FRK: variants seen among roughly 807,000 people sequenced by gnomAD.
FRK encodes fyn related Src family tyrosine kinase, also known as tyrosine-protein kinase FRK.
In FRK, 51 loss-of-function variants were observed where a neutral mutation model predicts 56.4. The ratio of observed to expected loss-of-function variants is 0.90; its 90% confidence interval spans 0.72 to 1.14. The LOEUF (loss-of-function observed/expected upper bound fraction) is 1.14, where lower values mean the gene tolerates loss of function less well. Ranked by LOEUF, FRK falls within the 50% of genes most tolerant of loss-of-function variation. The pLI is 0.00. For synonymous variants in FRK, 245 were observed against 217.9 expected, an observed-to-expected ratio of 1.12 and a Z score of -1.10; for missense variants, 570 against 601.4, an observed-to-expected ratio of 0.95 and a Z score of 0.55.
At chr6:115,962,578 A>G (rs1773421168) in intron 4 of FRK, among the ~76,000 whole-genome samples, 1 of 77,268 alleles carries the variant, frequency 1.3e-5, no homozygotes, top group Admixed American at 1.5e-4. Context: ...TCCACCCCAA[A>G]TCAACAGAAT....
At chr6:115,982,967 G>C (rs537104740) in intron 2 of FRK, among the ~76,000 whole-genome samples, 2 of 151,938 alleles carry the variant, frequency 1.3e-5, no homozygotes, top group South Asian at 2.1e-4. Flanking sequence ...AGCTACTAGG[G>C]AGGCTGAGGC....
At chr6:116,092,574 T>C in the FRK span, among the ~76,000 whole-genome samples, 1 of 152,204 alleles carries the variant, frequency 6.6e-6, no homozygotes, top group Non-Finnish European at 1.5e-5. Flanking sequence ...TAAGGGCCAC[T>C]AAATCCGACC....
In FRK at chr6:115,944,318, C is replaced by A. The variant is rs1420275736; in HGVS notation, c.1066G>T (p.Ala356Ser). Residue 356 changes from alanine to serine, a missense_variant, in exon 6 of 8, where the codon GCT becomes TCT. Physicochemically the swap from Ala to Ser is moderately conservative, Grantham distance 99. Transcript: ENST00000606080. ...ESRNYIHRDL[A>S]ARNVLVGEHN... is the part of the protein sequence containing the mutation. ...TCACCAACGAGGACATTTCTGGCAG[C>A]CAGATCTCTGTGAATGTAGTTCCGA... 6.2e-7 allele frequency: 1 copy of A among 1,613,012 alleles called. No individual in the cohort carries two copies.
intron 2 of FRK, among the ~76,000 whole-genome samples, chr6:115,984,105 C>T (rs1032509339): frequency 2.6e-5 from 4 of 152,092 alleles, no homozygotes; most frequent in Non-Finnish European, 4.4e-5. Flanking sequence ...TGAAACCGCC[C>T]AGTGTAAGCG....
At chr6:115,966,250 A>G (rs1773572581) in intron 4 of FRK, among the ~76,000 whole-genome samples, 1 of 152,180 alleles carries the variant, frequency 6.6e-6, no homozygotes, top group African/African-American at 2.4e-5. Context: ...TCTTAGAATC[A>G]GATGAAGCAC....
intron 2 of FRK, among the ~76,000 whole-genome samples, chr6:115,994,610 A>G (rs756888889): frequency 3.9e-5 from 6 of 152,084 alleles, no homozygotes; most frequent in Non-Finnish European, 7.4e-5. Context: ...ATACTTTGCA[A>G]TTGTTATGAC....
At chr6:115,984,673 G>A (rs868232411) in intron 2 of FRK, among the ~76,000 whole-genome samples, 32 of 147,786 alleles carry the variant, frequency 2.2e-4, no homozygotes, top group African/African-American at 8.0e-4. Context: ...TTTTTGTTTT[G>A]TTTCTTTTTT....
the FRK span, among the ~76,000 whole-genome samples, chr6:116,087,528 G>A: frequency 1.5e-4 from 23 of 152,184 alleles, no homozygotes; most frequent in Admixed American, 7.9e-4. Flanking sequence ...GTCATGACAC[G>A]AACACGTTTG....
intron 4 of FRK, among the ~76,000 whole-genome samples, chr6:115,965,140 A>T (rs2114592074): frequency 7.4e-6 from 1 of 135,104 alleles, no homozygotes; most frequent in African/African-American, 2.8e-5. Context: ...AAATTTTCGC[A>T]ACCTACTCAT....
intron 1 of FRK, among the ~76,000 whole-genome samples, chr6:116,019,348 G>A (rs963486800): frequency 5.9e-5 from 9 of 152,124 alleles, no homozygotes; most frequent in Non-Finnish European, 8.8e-5. Flanking sequence ...AAGTTAAAAA[G>A]CTGACCAAAT....
the FRK span, among the ~76,000 whole-genome samples, chr6:116,080,382 C>A: frequency 6.6e-6 from 1 of 152,166 alleles, no homozygotes; most frequent in Non-Finnish European, 1.5e-5. Flanking sequence ...TCTCAATCTC[C>A]TGACCTCATG....
At chr6:115,943,631 A>C (rs960350458) in intron 6 of FRK, among the ~76,000 whole-genome samples, 1 of 152,012 alleles carries the variant, frequency 6.6e-6, no homozygotes, top group African/African-American at 2.4e-5. Flanking sequence ...TAATATATAA[A>C]CTCACTGGGG....
chr6:115,943,250 A>G, intron 6 of FRK, 65 bp from the exon 7 acceptor site: 1 of 1,145,746 alleles, frequency 8.7e-7, no homozygotes, highest in Non-Finnish European at 1.2e-6. Flanking sequence ...AACCTCATTC[A>G]TCTATAATCT....
chr6:116,050,345 G>A (rs951797489), intron 1 of FRK, among the ~76,000 whole-genome samples: 3 of 152,166 alleles, frequency 2.0e-5, no homozygotes, highest in Non-Finnish European at 2.9e-5. Context: ...CTGAGTGACT[G>A]ATGTTTCTTA....
At chr6:116,089,622 C>T in the FRK span, among the ~76,000 whole-genome samples, 5 of 152,120 alleles carry the variant, frequency 3.3e-5, no homozygotes, top group East Asian at 5.8e-4. Context: ...TTCTTTCTCA[C>T]TGTGTCCTCA....
intron 1 of FRK, among the ~76,000 whole-genome samples, chr6:116,036,950 G>GA (rs1261615150): frequency 1.3e-5 from 2 of 151,926 alleles, no homozygotes; most frequent in Non-Finnish European, 2.9e-5. Flanking sequence ...CATGCCAAGA[G>GA]AAAAAAAGTT....
chr6:115,938,258 AGTT>A lies in FRK; in HGVS notation c.*4153_*4155del, dbSNP rs1221480120. On this transcript the variant is annotated 3_prime_UTR_variant, in exon 8 of 8. Transcript: ENST00000606080. Reference sequence around the variant, plus strand: ...AATAATAAAATTAAGGTAGAAATAAAGTTGTTCATTGAAACCAATGAGAACAAA... The same window carrying A: ...AATAATAAAATTAAGGTAGAAATAAAGTTCATTGAAACCAATGAGAACAAA... 1 of 152,230 alleles carries A rather than the reference AGTT, an allele frequency of 6.6e-6. No individual in the cohort carries two copies. The highest frequency in any genetic ancestry group is 1.5e-5 in the Non-Finnish European group (1 of 68,048). The allele number at this position is 152,230 out of a possible 1,614,324, so 9.4% of individuals were successfully genotyped here.
At chr6:116,092,032 G>C in the FRK span, among the ~76,000 whole-genome samples, 2 of 152,086 alleles carry the variant, frequency 1.3e-5, no homozygotes, top group Admixed American at 6.5e-5. Context: ...TCCATTCTCC[G>C]AGGCTAGTCC....
Position 115,943,000 on chromosome 6 carries a change from C to T in FRK, c.1306+20G>A, listed in dbSNP as rs11758059. 6.9e-6 allele frequency: 11 copies of T among 1,603,672 alleles called. No homozygotes were observed. Among genetic ancestry groups the T allele is most frequent in the Non-Finnish European group, 9.4e-6 (11 of 1,175,842 alleles). The stretch of plus-strand genomic sequence containing the variant: ...AAGTGACATGCAGCAGAAAGGTCCA[C>T]TTCAGAATTAATTACTCACCACTGT... On this transcript the variant is annotated intron_variant, in intron 7 of 7. Coordinates refer to ENST00000606080, the MANE Select transcript of FRK (RefSeq NM_002031.3).
Sources: gnomAD v4.1 joint callset for allele counts (sites outside exome capture counted in the v4.1 genomes callset) on GRCh38, gnomAD v4.1.1 for gene constraint, MANE v1.5 for transcripts, NCBI Gene and HGNC (gene_info 2026-07-23, HGNC 2026-07-21) for gene names.